Variants in CLSTN2 observed in about 807,000 individuals in gnomAD.
CLSTN2 encodes the protein calsyntenin 2, also known as calsyntenin-2.
Under a neutral mutation model 101.2 loss-of-function variants are expected in CLSTN2, and 48 were observed. The observed-to-expected ratio is 0.47, with a 90% confidence interval of 0.38 to 0.60. The LOEUF is 0.60. CLSTN2 is among the 20% of genes least tolerant of loss of function. The probability of loss-of-function intolerance (pLI) is 0.00; values close to 1 mark genes in which losing one functional copy is unlikely to be tolerated. For missense variants in CLSTN2, 1,160 were observed against 1,238.2 expected, an observed-to-expected ratio of 0.94 and a Z score of 0.95; for synonymous variants, 481 against 463.6, an observed-to-expected ratio of 1.04 and a Z score of -0.48.
chr3:140,539,699 TG>T (rs1272831059), intron 9 of CLSTN2, among the ~76,000 whole-genome samples: 1 of 152,176 alleles, frequency 6.6e-6, no homozygotes, highest in African/African-American at 2.4e-5. Context: ...GCATCTTACA[TG>T]TGTTCTCACT....
At chr3:140,210,754 C>T (rs977657624) in intron 2 of CLSTN2, among the ~76,000 whole-genome samples, 12 of 139,788 alleles carry the variant, frequency 8.6e-5, no homozygotes, top group Admixed American at 7.7e-4. Context: ...CCTGTTCATG[C>T]AGTGGGTTTG....
intron 5 of CLSTN2, 45 bp from the exon 6 acceptor site, chr3:140,448,474 C>T: frequency 6.7e-7 from 1 of 1,497,386 alleles, no homozygotes; most frequent in East Asian, 2.3e-5. Flanking sequence ...TCCAGCAGAA[C>T]TGACTGCACC....
intron 8 of CLSTN2, among the ~76,000 whole-genome samples, chr3:140,530,027 CAA>C (rs1386850331): frequency 2.0e-5 from 3 of 152,152 alleles, no homozygotes; most frequent in Non-Finnish European, 2.9e-5. Flanking sequence ...TAATATGTAT[CAA>C]GAGTCTTAAA....
Position 140,274,917 on chromosome 3 carries a change from C to G in CLSTN2, c.232+98844C>G, listed in dbSNP as rs943343897. The stretch of plus-strand genomic sequence containing the variant: ...TTCTGGCGAGCATGGAGGCAGGGAA[C>G]AGGGTGGGCTCCTGTGGCTTTAGTC... On this transcript the variant is annotated intron_variant, in intron 2 of 16. Transcript: ENST00000458420. 5.3e-5 allele frequency among the ~76,000 whole-genome samples: 8 copies of G among 152,324 alleles called. No homozygotes were observed. The South Asian group carries it at 1.5e-3, about 28-fold the overall frequency.
intron 1 of CLSTN2, among the ~76,000 whole-genome samples, chr3:139,989,320 A>G (rs188056097): frequency 2.3e-3 from 349 of 152,056 alleles, no homozygotes; most frequent in Non-Finnish European, 3.3e-3. Flanking sequence ...ACAGCTCTAT[A>G]CTTCCTCTTC....
chr3:140,333,559 A>G, intron 2 of CLSTN2, among the ~76,000 whole-genome samples: 1 of 151,938 alleles, frequency 6.6e-6, no homozygotes, highest in East Asian at 1.9e-4. Context: ...TCCACTATTT[A>G]GTCCCCTTCC....
chr3:140,485,139 G>A (rs1934209818), intron 8 of CLSTN2, among the ~76,000 whole-genome samples: 1 of 152,150 alleles, frequency 6.6e-6, no homozygotes, highest in South Asian at 2.1e-4. Context: ...TGGGATTTTG[G>A]TGCGGATGTC....
intron 2 of CLSTN2, among the ~76,000 whole-genome samples, chr3:140,359,209 C>T (rs1315132001): frequency 1.3e-5 from 2 of 151,328 alleles, no homozygotes; most frequent in Admixed American, 6.6e-5. Flanking sequence ...ATAGGGGCTG[C>T]ACCTCCTCAT....
chr3:140,056,061 G>C (rs762803441), intron 1 of CLSTN2, among the ~76,000 whole-genome samples: 1 of 152,164 alleles, frequency 6.6e-6, no homozygotes, highest in Non-Finnish European at 1.5e-5. Context: ...GGGAGAGGGG[G>C]CCTACTCTGG....
intron 2 of CLSTN2, among the ~76,000 whole-genome samples, chr3:140,341,379 G>T (rs957649942): frequency 3.3e-5 from 5 of 152,156 alleles, no homozygotes; most frequent in African/African-American, 1.2e-4. Flanking sequence ...TCGTCCCCAT[G>T]CTGCCTGCCT....
intron 10 of CLSTN2, among the ~76,000 whole-genome samples, chr3:140,547,126 G>A (rs1263620285): frequency 6.6e-6 from 1 of 152,222 alleles, no homozygotes; most frequent in Admixed American, 6.5e-5. Context: ...GAGGTAGAAT[G>A]AGAAAGCAGG....
intron 5 of CLSTN2, among the ~76,000 whole-genome samples, chr3:140,436,187 T>C (rs573516434): frequency 6.6e-6 from 1 of 152,238 alleles, no homozygotes; most frequent in Non-Finnish European, 1.5e-5. Flanking sequence ...TTTTTCCCAA[T>C]GTTTTCTGAT....
intron 5 of CLSTN2, among the ~76,000 whole-genome samples, chr3:140,434,102 A>T (rs959679423): frequency 2.0e-5 from 3 of 152,068 alleles, no homozygotes; most frequent in African/African-American, 7.2e-5. Flanking sequence ...GGATTCTCAT[A>T]ATGTGTGTGA....
chr3:140,368,892 C>A (rs2087821752), intron 2 of CLSTN2, among the ~76,000 whole-genome samples: 2 of 152,164 alleles, frequency 1.3e-5, no homozygotes, highest in Non-Finnish European at 2.9e-5. Flanking sequence ...CATTATCATT[C>A]ACGGATTTTC....
intron 2 of CLSTN2, among the ~76,000 whole-genome samples, chr3:140,358,417 T>C (rs1021273755): frequency 1.3e-5 from 2 of 152,164 alleles, no homozygotes; most frequent in East Asian, 1.9e-4. Context: ...ATCCATAAAA[T>C]GCCTGAAAGA....
chr3:140,386,621 T>C (rs1871494), intron 2 of CLSTN2, among the ~76,000 whole-genome samples: 71,336 of 151,880 alleles, frequency 0.47, 18,001 homozygotes, highest in South Asian at 0.63. Flanking sequence ...TCTCTCTGGG[T>C]GTGAGAACAA....
intron 1 of CLSTN2, among the ~76,000 whole-genome samples, chr3:140,059,980 C>T (rs1444635634): frequency 6.6e-6 from 1 of 152,178 alleles, no homozygotes; most frequent in Non-Finnish European, 1.5e-5. Flanking sequence ...CTAGCCCTTC[C>T]ACTGACCATG....
At chr3:140,075,240 C>T (rs1057118146) in intron 1 of CLSTN2, among the ~76,000 whole-genome samples, 1 of 151,890 alleles carries the variant, frequency 6.6e-6, no homozygotes, top group Non-Finnish European at 1.5e-5. Context: ...TCTTTGGGTT[C>T]CTTTTCTCTT....
At chr3:140,222,967 C>T (rs1026773871) in intron 2 of CLSTN2, among the ~76,000 whole-genome samples, 2 of 151,602 alleles carry the variant, frequency 1.3e-5, no homozygotes, top group African/African-American at 4.9e-5. Context: ...AAATAAATGT[C>T]CTCATTTTTA....
Sources: gnomAD v4.1 joint callset for allele counts (sites outside exome capture counted in the v4.1 genomes callset) on GRCh38, gnomAD v4.1.1 for gene constraint, MANE v1.5 for transcripts, NCBI Gene and HGNC (gene_info 2026-07-23, HGNC 2026-07-21) for gene names.